Variants in CAMKMT observed in about 807,000 individuals in gnomAD.
CAMKMT encodes CaM KMT.
In CAMKMT, 53 loss-of-function variants were observed where a neutral mutation model predicts 48.0. The observed-to-expected ratio is 1.10, with a 90% CI of 0.89 to 1.39. The LOEUF (loss-of-function observed/expected upper bound fraction) is 1.39. Ranked by LOEUF, CAMKMT falls within the 40% of genes most tolerant of loss-of-function variation. The probability of loss-of-function intolerance (pLI) is 0.00; values close to 1 mark genes in which losing one functional copy is unlikely to be tolerated. For missense variants in CAMKMT, 428 were observed against 402.7 expected, an observed-to-expected ratio of 1.06 and a Z score of -0.54; for synonymous variants, 165 against 152.3, an observed-to-expected ratio of 1.08 and a Z score of -0.61.
At chr2:44,382,877 A>C (rs1680396320) in intron 2 of CAMKMT, among the ~76,000 whole-genome samples, 1 of 152,250 alleles carries the variant, frequency 6.6e-6, no homozygotes, top group Non-Finnish European at 1.5e-5. Context: ...AATACAGTTT[A>C]CACGTATTCT....
At chr2:44,585,763 G>A (rs1669823828) in intron 3 of CAMKMT, among the ~76,000 whole-genome samples, 1 of 152,132 alleles carries the variant, frequency 6.6e-6, no homozygotes, top group Non-Finnish European at 1.5e-5. Flanking sequence ...TGGAAGATGG[G>A]AACAGCTAGG....
In CAMKMT at chr2:44,413,449, C is replaced by T. The variant is rs562654186; in HGVS notation, c.376+23144C>T. Among the ~76,000 whole-genome samples, 388 of 152,020 alleles carry T rather than the reference C, an allele frequency of 2.6e-3. 2 individuals carry two copies. The highest frequency in any genetic ancestry group is 0.01 in the Middle Eastern group (3 of 294). On this transcript the variant is annotated intron_variant, in intron 3 of 10. Transcript: ENST00000378494. ...CGGGTGGATCATGAGGTCAGGAGTTCAAGACCAGCCTGGACAACGTAGTGA... is the reference window on the plus strand; with the variant it reads ...CGGGTGGATCATGAGGTCAGGAGTTTAAGACCAGCCTGGACAACGTAGTGA...
At chr2:44,764,471 A>G (rs765110959) in intron 9 of CAMKMT, among the ~76,000 whole-genome samples, 2 of 152,160 alleles carry the variant, frequency 1.3e-5, no homozygotes, top group Non-Finnish European at 2.9e-5. Context: ...TGTTCTTCCC[A>G]TTTAATGGAT....
intron 3 of CAMKMT, among the ~76,000 whole-genome samples, chr2:44,484,172 A>G (rs1669103244): frequency 6.6e-6 from 1 of 152,114 alleles, no homozygotes; most frequent in Admixed American, 6.5e-5. Context: ...AGCAGAAACA[A>G]AAATAGGTGG....
rs79319206 is a variant in CAMKMT, at chr2:44,465,571, A to G, written c.376+75266A>G. ...AGTTTGTGCCACTGTACTCTGTCAA[A>G]AAAAAAAAAAAAATCAATGAAACAT... On this transcript the variant is annotated intron_variant, in intron 3 of 10. Coordinates refer to ENST00000378494, the MANE Select transcript of CAMKMT (RefSeq NM_024766.5). Among the ~76,000 whole-genome samples the G allele has an allele frequency of 1.2e-3, 181 of 151,632 alleles. 2 individuals carry two copies. Among genetic ancestry groups the G allele is most frequent in the African/African-American group, 4.0e-3 (167 of 41,382 alleles).
chr2:44,704,321 C>G lies in CAMKMT; in HGVS notation c.415C>G (p.Leu139Val), dbSNP rs148755941. The change falls in exon 4 of 11, where the codon CTC (leucine) becomes GTC (valine). Residue 139 changes from leucine (L) to valine (V), a missense_variant. By Grantham distance (32) the Leu-to-Val change is conservative. Coordinates refer to ENST00000378494, the MANE Select transcript of CAMKMT (RefSeq NM_024766.5). ...TGAAGAGGTTTTGGCTTACTACTGC[C>G]TCAAGCACAATAATATATTCAGGTA... ...PSEEVLAYYC[L>V]KHNNIFRALA... 1 of 1,609,910 alleles carries G rather than the reference C, an allele frequency of 6.2e-7. No homozygotes were observed. The highest frequency in any genetic ancestry group is 8.5e-7 in the Non-Finnish European group (1 of 1,177,734).
intron 3 of CAMKMT, among the ~76,000 whole-genome samples, chr2:44,425,481 T>A (rs1684218637): frequency 6.6e-6 from 1 of 152,182 alleles, no homozygotes; most frequent in Non-Finnish European, 1.5e-5. Flanking sequence ...AAAATGACAT[T>A]TGATATGAAC....
intron 3 of CAMKMT, among the ~76,000 whole-genome samples, chr2:44,663,393 C>A (rs1397367310): frequency 6.6e-6 from 1 of 152,190 alleles, no homozygotes; most frequent in Non-Finnish European, 1.5e-5. Context: ...GCAAACATTC[C>A]ACTACCATCT....
At chr2:44,402,740 G>GTTTTTTTTTTTTTTTTTTTTTCTTTT in intron 3 of CAMKMT, among the ~76,000 whole-genome samples, 6 of 94,106 alleles carry the variant, frequency 6.4e-5, no homozygotes, top group East Asian at 2.9e-4. Flanking sequence ...TTGTTTTGCT[G>GTTTTTTTTTTTTTTTTTTTTTCTTTT]TTTTTTTTTT....
chr2:44,648,701 GCTTTTGTAT>G (rs1249601403), intron 3 of CAMKMT, among the ~76,000 whole-genome samples: 1 of 152,168 alleles, frequency 6.6e-6, no homozygotes, highest in Non-Finnish European at 1.5e-5. Flanking sequence ...CTAGGTCTCA[GCTTTTGTAT>G]CTGTGAAATG....
intron 7 of CAMKMT, among the ~76,000 whole-genome samples, chr2:44,738,987 C>G (rs889589335): frequency 6.6e-6 from 1 of 152,118 alleles, no homozygotes; most frequent in African/African-American, 2.4e-5. Flanking sequence ...CTAGTATATT[C>G]AGGAAAGCAT....
chr2:44,413,880 C>A (rs1368747401), intron 3 of CAMKMT, among the ~76,000 whole-genome samples: 1 of 152,136 alleles, frequency 6.6e-6, no homozygotes, highest in Admixed American at 6.5e-5. Context: ...ATGAGTTGCA[C>A]AATTAATAAA....
Position 44,715,300 on chromosome 2 carries a change from C to T in CAMKMT, c.570C>T (p.Ile190=). The T allele has an allele frequency of 6.2e-7, 1 of 1,611,410 alleles. No individual in the cohort carries two copies. Among genetic ancestry groups the T allele is most frequent in the South Asian group, 1.1e-5 (1 of 90,996 alleles). The change falls in exon 7 of 11, where the codon ATC becomes ATT. Residue 190 remains isoleucine, a synonymous_variant. Coordinates refer to ENST00000378494, the MANE Select transcript of CAMKMT (RefSeq NM_024766.5). The part of the protein sequence containing the change: ...NEKAIRNVQD[I]ITRNQKAGVF... ...TGTGTCCTGTAGATGTGCAAGACATCATCACAAGGAATCAGAAGGCTGGTG... is the reference window on the plus strand; with the variant it reads ...TGTGTCCTGTAGATGTGCAAGACATTATCACAAGGAATCAGAAGGCTGGTG...
chr2:44,384,180 G>A (rs1680541840), intron 2 of CAMKMT, among the ~76,000 whole-genome samples: 1 of 152,114 alleles, frequency 6.6e-6, no homozygotes. Context: ...GCAGGAGTAA[G>A]GTGGTATTGC....
intron 3 of CAMKMT, among the ~76,000 whole-genome samples, chr2:44,497,568 C>T (rs1669807386): frequency 6.6e-6 from 1 of 151,720 alleles, no homozygotes; most frequent in Admixed American, 6.6e-5. Flanking sequence ...AGTTACATAC[C>T]AAATTATTAA....
intron 2 of CAMKMT, among the ~76,000 whole-genome samples, chr2:44,374,304 C>T (rs1469715108): frequency 2.0e-5 from 3 of 152,040 alleles, no homozygotes; most frequent in African/African-American, 7.2e-5. Context: ...AAGGTATATG[C>T]TTACTCTGTG....
intron 3 of CAMKMT, among the ~76,000 whole-genome samples, chr2:44,505,842 CTTTA>C (rs59024414): frequency 0.082 from 12,139 of 148,236 alleles, 639 homozygotes; most frequent in Non-Finnish European, 0.12. Context: ...AGTTTATTTA[CTTTA>C]TTTATTTATT....
intron 3 of CAMKMT, among the ~76,000 whole-genome samples, chr2:44,451,209 C>A (rs1667269163): frequency 6.6e-6 from 1 of 151,888 alleles, no homozygotes; most frequent in African/African-American, 2.4e-5. Context: ...ACATTTAGTT[C>A]CTAAAGAAAA....
At chr2:44,363,879 C>T (rs775204467) in intron 1 of CAMKMT, among the ~76,000 whole-genome samples, 63 of 151,738 alleles carry the variant, frequency 4.2e-4, no homozygotes, top group Non-Finnish European at 8.4e-4. Context: ...TTAGTAGAGA[C>T]GGAGTTTCGC....
Sources: gnomAD v4.1 joint callset for allele counts (sites outside exome capture counted in the v4.1 genomes callset) on GRCh38, gnomAD v4.1.1 for gene constraint, MANE v1.5 for transcripts, NCBI Gene and HGNC (gene_info 2026-07-23, HGNC 2026-07-21) for gene names.